SOX13: variants seen among roughly 807,000 people sequenced by gnomAD.
The protein encoded by SOX13 is SRY-box transcription factor 13, also known as transcription factor SOX-13.
SOX13 carries 28 observed loss-of-function variants against 71.8 expected under a neutral mutation model. The ratio of observed to expected loss-of-function variants is 0.39; its 90% CI spans 0.29 to 0.53. The LOEUF is 0.53. SOX13 is among the 20% of genes least tolerant of loss of function. The pLI is 0.70. For missense variants in SOX13, 627 were observed against 810.3 expected, an observed-to-expected ratio of 0.77 and a Z score of 2.75; for synonymous variants, 309 against 317.8, an observed-to-expected ratio of 0.97 and a Z score of 0.29.
At chr1:204,125,804 T>C (rs1202947616) in intron 13 of SOX13, 54 bp from the exon 14 acceptor site, 5 of 1,562,878 alleles carry the variant, frequency 3.2e-6, no homozygotes, top group Non-Finnish European at 4.3e-6. Flanking sequence ...GGGAGATGGG[T>C]TTGGGGTTGA....
intron 6 of SOX13, 41 bp downstream of exon 6, chr1:204,117,231 G>C: frequency 1.3e-6 from 2 of 1,581,116 alleles, no homozygotes; most frequent in South Asian, 2.2e-5. Context: ...GGAGGCAGTT[G>C]AGGGAGTTGA....
intron 5 of SOX13, 124 bp downstream of exon 5, chr1:204,116,803 G>C: frequency 1.3e-6 from 2 of 1,499,120 alleles, no homozygotes; most frequent in Non-Finnish European, 1.8e-6. Flanking sequence ...GGCTGGGCAG[G>C]GTCTGTGGCC....
rs1403052795 is a variant in SOX13, at chr1:204,126,568, C to T, written c.*434C>T. 4 of 217,128 alleles carry T rather than the reference C, an allele frequency of 1.8e-5. No individual in the cohort carries two copies. The highest frequency in any genetic ancestry group is 1.1e-4 in the East Asian group (1 of 9,172). The allele number at this position is 217,128 out of a possible 1,614,324, so 13.5% of individuals were successfully genotyped here. ...ACTCCCCCAGACTGCTCGTCTATCA[C>T]CAGGATCGCTTTGTACTTTGTGCAA... On this transcript the variant is annotated 3_prime_UTR_variant, in exon 14 of 14. Transcript: ENST00000367204.
At position 204,126,155 on chromosome 1, in the gene SOX13, C is replaced by T. The variant is rs1349469330; in HGVS notation, c.*21C>T. 6.2e-7 allele frequency: 1 copy of T among 1,607,936 alleles called. No homozygotes were observed. The highest frequency in any genetic ancestry group is 8.5e-7 in the Non-Finnish European group (1 of 1,175,800). ...ACTGATCCCGGCTGGGTGGGCCTGG[C>T]CCCTTCTCCTCTGGGGAAGACCTTG... On this transcript the variant is annotated 3_prime_UTR_variant, in exon 14 of 14. Transcript: ENST00000367204.
At position 204,095,180 on chromosome 1, in the gene SOX13, G is replaced by A. The variant is rs879830110; in HGVS notation, c.-1-17735G>A. On this transcript the variant is annotated intron_variant, in intron 1 of 13. Transcript: ENST00000367204. Reference sequence around the variant, plus strand: ...GGGCAGAGCTGTTCTGTAAACAGGCGTCAGTTCAGTTGCCTTGAAACCGCC... The same window carrying A: ...GGGCAGAGCTGTTCTGTAAACAGGCATCAGTTCAGTTGCCTTGAAACCGCC... Among the ~76,000 whole-genome samples the A allele has an allele frequency of 4.6e-5, 7 of 152,290 alleles. No individual in the cohort carries two copies. In the South Asian group the frequency reaches 8.3e-4, roughly 18 times the overall value.
At chr1:204,105,413 C>CTCTTTTTTTTTTTTTTTTTT (rs149562684) in intron 1 of SOX13, among the ~76,000 whole-genome samples, 1 of 137,964 alleles carries the variant, frequency 7.2e-6, no homozygotes. Context: ...TGTATAATCT[C>CTCTTTTTTTTTTTTTTTTTT]TTTTTTTTTT....
At chr1:204,106,990 A>G (rs1656483720) in intron 1 of SOX13, among the ~76,000 whole-genome samples, 1 of 152,220 alleles carries the variant, frequency 6.6e-6, no homozygotes, top group Admixed American at 6.5e-5. Flanking sequence ...AAATGGGCTC[A>G]GAGAAGTTAA....
At chr1:204,083,583 G>C (rs907737213) in intron 1 of SOX13, among the ~76,000 whole-genome samples, 17 of 152,214 alleles carry the variant, frequency 1.1e-4, no homozygotes, top group Admixed American at 6.5e-5. Context: ...CAGATTAACA[G>C]GTAACTCCAG....
At chr1:204,089,520 G>C (rs755865767) in intron 1 of SOX13, among the ~76,000 whole-genome samples, 6 of 152,218 alleles carry the variant, frequency 3.9e-5, no homozygotes, top group Non-Finnish European at 8.8e-5. Context: ...CGAGGAACAG[G>C]GGAGCAGCTG....
rs768139634 is a variant in SOX13 at position 204,123,162 on chromosome 1, C to T, written c.1185C>T (p.Gly395=). 3.1e-6 allele frequency: 5 copies of T among 1,613,508 alleles called. No homozygotes were observed. In the South Asian group the frequency reaches 4.4e-5, roughly 14 times the overall value. ...SSPAKERLED[G]CVHPLEEAML... ...CAGCCAAGGAGCGGCTGGAGGACGGCTGTGTGCACCCACTGGAGGAAGCCA... is the reference window on the plus strand; with the variant it reads ...CAGCCAAGGAGCGGCTGGAGGACGGTTGTGTGCACCCACTGGAGGAAGCCA... Residue 395 remains glycine, a synonymous_variant, in exon 11 of 14, where the codon GGC becomes GGT. Transcript: ENST00000367204. The surrounding 1 kb of genome is among the most constrained non-coding windows in gnomAD (Gnocchi z 5.0).
chr1:204,116,289 A>G, intron 4 of SOX13: 1 of 1,511,584 alleles, frequency 6.6e-7, no homozygotes, highest in African/African-American at 1.4e-5. Context: ...ATTCATGGCT[A>G]ATAGGGGAGA....
chr1:204,124,858 G>A lies in SOX13; in HGVS notation c.1592+1G>A, dbSNP rs867407926. 9 of 1,560,720 alleles carry A rather than the reference G, an allele frequency of 5.8e-6. No individual in the cohort carries two copies. Among genetic ancestry groups the A allele is most frequent in the East Asian group, 4.8e-5 (2 of 41,658 alleles). ...ATGCCCGCCAGAGCTACGTGATCCCGTGAGCAGGCCCCCCCGCAGGCAGCC... is the reference window on the plus strand; with the variant it reads ...ATGCCCGCCAGAGCTACGTGATCCCATGAGCAGGCCCCCCCGCAGGCAGCC... On this transcript the variant is annotated splice_donor_variant, in intron 13 of 13. Coordinates refer to ENST00000367204, the MANE Select transcript of SOX13 (RefSeq NM_005686.3). LOFTEE classifies it high-confidence loss of function.
intron 1 of SOX13, among the ~76,000 whole-genome samples, chr1:204,102,252 A>G (rs1159907715): frequency 6.6e-6 from 1 of 152,200 alleles, no homozygotes; most frequent in East Asian, 1.9e-4. Flanking sequence ...CTGTTTGCAG[A>G]CTAGTTGCGC....
intron 7 of SOX13, 110 bp from the exon 8 acceptor site, chr1:204,121,790 T>C (rs954020610): frequency 6.4e-6 from 5 of 778,664 alleles, no homozygotes; most frequent in African/African-American, 1.7e-5. Flanking sequence ...GGAACCAAGC[T>C]GGTCCAGTGC....
intron 1 of SOX13, among the ~76,000 whole-genome samples, chr1:204,093,839 A>G (rs956980706): frequency 6.6e-6 from 1 of 152,190 alleles, no homozygotes; most frequent in Non-Finnish European, 1.5e-5. Context: ...AGGCACTGTC[A>G]TTATCTTTCT....
intron 1 of SOX13, among the ~76,000 whole-genome samples, chr1:204,096,840 TCTC>T (rs1046379349): frequency 2.0e-5 from 3 of 148,308 alleles, no homozygotes; most frequent in South Asian, 2.1e-4. Flanking sequence ...CCTTGCCAAT[TCTC>T]CTCCTCCTCT....
rs747402501 is a variant in SOX13 at position 204,123,854 on chromosome 1, G to A, written c.1375+50G>A. 4.4e-6 allele frequency: 7 copies of A among 1,603,298 alleles called. No individual in the cohort carries two copies. Among genetic ancestry groups the A allele is most frequent in the Non-Finnish European group, 6.0e-6 (7 of 1,171,384 alleles). ...GGTTCAGTGTGACCTGGTTGCAGGA[G>A]CCAGCTGGGTCTATTCAGGGCTTGC... On this transcript the variant is annotated intron_variant, in intron 12 of 13. Transcript: ENST00000367204. The surrounding 1 kb of genome is among the most constrained non-coding windows in gnomAD (Gnocchi z 5.0).
chr1:204,074,592 G>A (rs965175768), intron 1 of SOX13, among the ~76,000 whole-genome samples: 4 of 152,188 alleles, frequency 2.6e-5, no homozygotes, highest in African/African-American at 9.6e-5. Flanking sequence ...CGCAGGGATC[G>A]CCCGCGGGAT....
At chr1:204,092,724 A>T (rs1490308995) in intron 1 of SOX13, among the ~76,000 whole-genome samples, 2 of 151,986 alleles carry the variant, frequency 1.3e-5, no homozygotes, top group African/African-American at 4.8e-5. Flanking sequence ...ACTTGGATTT[A>T]GGGGGCTGCT....
Sources: allele counts gnomAD v4.1 joint callset (sites outside exome capture counted in the v4.1 genomes callset), GRCh38; gene constraint gnomAD v4.1.1; non-coding constraint Gnocchi (gnomAD v3.1); transcripts MANE v1.5; gene names NCBI Gene and HGNC (gene_info 2026-07-23, HGNC 2026-07-21).